KCNIP1: variants seen among roughly 807,000 people sequenced by gnomAD.
KCNIP1 encodes the protein potassium voltage-gated channel interacting protein 1, also known as A-type potassium channel modulatory protein KCNIP1.
A neutral mutation model predicts 33.0 loss-of-function variants in KCNIP1; 18 were observed. That is an observed-to-expected ratio of 0.55 (90% confidence interval 0.38 to 0.81). The LOEUF is 0.81. KCNIP1 is among the 30% of genes least tolerant of loss of function. The pLI, the probability that KCNIP1 is intolerant of heterozygous loss-of-function variation, is 0.00. For synonymous variants in KCNIP1, 93 were observed against 98.3 expected (o/e 0.95, Z 0.32); for missense variants, 238 against 271.6 (o/e 0.88, Z 0.87).
At chr5:170,701,213 G>T (rs1425027221) in intron 1 of KCNIP1, among the ~76,000 whole-genome samples, 1 of 152,184 alleles carries the variant, frequency 6.6e-6, no homozygotes, top group Non-Finnish European at 1.5e-5. Context: ...TGAGATGCAG[G>T]CTGGGAGGTC....
At chr5:170,715,321 T>C (rs1185065120) in intron 1 of KCNIP1, among the ~76,000 whole-genome samples, 1 of 152,160 alleles carries the variant, frequency 6.6e-6, no homozygotes, top group Middle Eastern at 3.2e-3. Flanking sequence ...AACAACACAT[T>C]TCTCAGAGCG....
chr5:170,381,916 G>A (rs547654823), intron 1 of KCNIP1, among the ~76,000 whole-genome samples: 6 of 152,266 alleles, frequency 3.9e-5, no homozygotes, highest in South Asian at 2.1e-4. Flanking sequence ...TCTCTCCACC[G>A]GGTGGGGCCG....
chr5:170,503,994 C>T (rs1425398702), upstream of KCNIP1: 4 of 962,988 alleles, frequency 4.2e-6, no homozygotes, highest in Non-Finnish European at 4.9e-6. Context: ...GCCCGCCGCC[C>T]CCTCCGCCGC....
intron 1 of KCNIP1, among the ~76,000 whole-genome samples, chr5:170,395,766 G>A (rs1189035068): frequency 6.6e-6 from 1 of 152,194 alleles, no homozygotes; most frequent in African/African-American, 2.4e-5. Context: ...GCTGTTGTTA[G>A]GGCTTGTGGG....
chr5:170,564,543 A>T (rs1757142415), intron 1 of KCNIP1, among the ~76,000 whole-genome samples: 1 of 152,122 alleles, frequency 6.6e-6, no homozygotes, highest in African/African-American at 2.4e-5. Context: ...GCTTTTCCCC[A>T]CCTTCCTGAT....
At chr5:170,471,839 A>C (rs956506152) in intron 1 of KCNIP1, among the ~76,000 whole-genome samples, 24 of 152,286 alleles carry the variant, frequency 1.6e-4, no homozygotes, top group African/African-American at 5.5e-4. Context: ...CATGTCAGGA[A>C]ATTTCTTGGT....
At chr5:170,406,343 G>T (rs1755038275) in intron 1 of KCNIP1, among the ~76,000 whole-genome samples, 1 of 152,140 alleles carries the variant, frequency 6.6e-6, no homozygotes. Context: ...GCATTTGAGG[G>T]CAAGGGCTCT....
intron 1 of KCNIP1, among the ~76,000 whole-genome samples, chr5:170,587,901 G>C (rs976030924): frequency 6.6e-6 from 1 of 152,220 alleles, no homozygotes; most frequent in Non-Finnish European, 1.5e-5. Context: ...CCCACTACAG[G>C]CAGGTGTTGT....
At chr5:170,405,218 G>A (rs1027050288) in intron 1 of KCNIP1, among the ~76,000 whole-genome samples, 1 of 149,894 alleles carries the variant, frequency 6.7e-6, no homozygotes. Flanking sequence ...TTTTTGAGAT[G>A]AAGTCTTGCT....
At chr5:170,355,485 C>T (rs1359406093) in intron 1 of KCNIP1, among the ~76,000 whole-genome samples, 3 of 152,134 alleles carry the variant, frequency 2.0e-5, no homozygotes, top group African/African-American at 7.2e-5. Flanking sequence ...AGGGCTTGTC[C>T]CCACCTGCAG....
At chr5:170,660,222 CT>C (rs1372707699) in intron 1 of KCNIP1, among the ~76,000 whole-genome samples, 1 of 152,160 alleles carries the variant, frequency 6.6e-6, no homozygotes, top group African/African-American at 2.4e-5. Flanking sequence ...AAACTGTTGG[CT>C]GTAAAACCAT....
chr5:170,451,504 G>A (rs752222344), intron 1 of KCNIP1, among the ~76,000 whole-genome samples: 18 of 151,600 alleles, frequency 1.2e-4, no homozygotes, highest in Non-Finnish European at 2.2e-4. Flanking sequence ...ACCCAGCTCC[G>A]TTCAACTGCA....
intron 1 of KCNIP1, among the ~76,000 whole-genome samples, chr5:170,593,708 C>T (rs1406511097): frequency 1.3e-5 from 2 of 152,260 alleles, no homozygotes; most frequent in African/African-American, 4.8e-5. Flanking sequence ...GACATCATCC[C>T]CGGCTGGGCA....
chr5:170,700,155 C>T (rs1475118010), intron 1 of KCNIP1, among the ~76,000 whole-genome samples: 1 of 152,006 alleles, frequency 6.6e-6, no homozygotes, highest in African/African-American at 2.4e-5. Flanking sequence ...CCTGTGGGCT[C>T]CTTGTAGAGG....
At chr5:170,424,173 T>C (rs991406843) in intron 1 of KCNIP1, among the ~76,000 whole-genome samples, 1 of 152,206 alleles carries the variant, frequency 6.6e-6, no homozygotes, top group Non-Finnish European at 1.5e-5. Context: ...TTGGGTTCCC[T>C]GTCCTTACCC....
chr5:170,594,427 C>T (rs1758370853), intron 1 of KCNIP1, among the ~76,000 whole-genome samples: 1 of 152,206 alleles, frequency 6.6e-6, no homozygotes, highest in African/African-American at 2.4e-5. Flanking sequence ...ACAAGAGCAG[C>T]ACTTCATAGT....
chr5:170,521,135 A>G (rs1380103203), intron 1 of KCNIP1, among the ~76,000 whole-genome samples: 1 of 152,204 alleles, frequency 6.6e-6, no homozygotes, highest in Non-Finnish European at 1.5e-5. Context: ...CCTAGTCCTT[A>G]GCACAAGCAT....
intron 1 of KCNIP1, among the ~76,000 whole-genome samples, chr5:170,478,323 T>A (rs1045959988): frequency 6.6e-6 from 1 of 152,216 alleles, no homozygotes; most frequent in Non-Finnish European, 1.5e-5. Context: ...TATCACAGAC[T>A]TAGGAAAAGG....
intron 1 of KCNIP1, among the ~76,000 whole-genome samples, chr5:170,655,250 C>T (rs1761213784): frequency 1.3e-5 from 2 of 152,096 alleles, no homozygotes; most frequent in Admixed American, 6.5e-5. Context: ...ATGAGGAAGT[C>T]AGAGTGCATT....
Sources: allele counts gnomAD v4.1 joint callset (sites outside exome capture counted in the v4.1 genomes callset), GRCh38; gene constraint gnomAD v4.1.1; transcripts MANE v1.5; gene names NCBI Gene and HGNC (gene_info 2026-07-23, HGNC 2026-07-21).